Variants in COL19A1 observed in about 807,000 individuals in gnomAD.
The protein encoded by COL19A1 is collagen type XIX alpha 1 chain.
In COL19A1, 159 loss-of-function variants were observed where a neutral mutation model predicts 190.2. The observed-to-expected ratio is 0.84, with a 90% CI of 0.73 to 0.95. The LOEUF (loss-of-function observed/expected upper bound fraction) is 0.95, where lower values mean the gene tolerates loss of function less well. COL19A1 is among the 40% of genes least tolerant of loss of function. COL19A1 has a pLI of 0.00. For synonymous variants in COL19A1, 509 were observed against 458.9 expected, an observed-to-expected ratio of 1.11 and a Z score of -1.39; for missense variants, 1,418 against 1,431.9, an observed-to-expected ratio of 0.99 and a Z score of 0.16.
At chr6:70,008,322 GA>G (rs1777761339) in intron 11 of COL19A1, among the ~76,000 whole-genome samples, 1 of 151,338 alleles carries the variant, frequency 6.6e-6, no homozygotes, top group African/African-American at 2.4e-5. Flanking sequence ...AAAAAGGAAA[GA>G]AAAAATTACC....
rs1037840055 is a variant in COL19A1, at chr6:70,211,266, A to C, written c.*3992A>C. Among the ~76,000 whole-genome samples the C allele has an allele frequency of 1.1e-4, 17 of 152,102 alleles. No homozygotes were observed. Among genetic ancestry groups the C allele is most frequent in the African/African-American group, 4.1e-4 (17 of 41,434 alleles). On this transcript the variant is annotated 3_prime_UTR_variant, in exon 51 of 51. Transcript: ENST00000620364. Reference sequence around the variant, plus strand: ...TTTTTATTTTCATAACACTAATAATACACTGGGATTGAGAATTTCTGTTAA... The same window carrying C: ...TTTTTATTTTCATAACACTAATAATCCACTGGGATTGAGAATTTCTGTTAA...
chr6:69,893,459 T>C (rs1284732725), intron 2 of COL19A1, among the ~76,000 whole-genome samples: 1 of 152,218 alleles, frequency 6.6e-6, no homozygotes, highest in East Asian at 1.9e-4. Flanking sequence ...AACTAAGGAC[T>C]AAGCTCTGAT....
chr6:69,954,236 T>G (rs796118112), intron 9 of COL19A1, among the ~76,000 whole-genome samples: 1 of 152,032 alleles, frequency 6.6e-6, no homozygotes, highest in Non-Finnish European at 1.5e-5. Context: ...CATAGCACTT[T>G]ATTTATATCA....
intron 9 of COL19A1, among the ~76,000 whole-genome samples, chr6:69,952,894 T>G (rs1774201935): frequency 6.6e-6 from 1 of 152,028 alleles, no homozygotes; most frequent in African/African-American, 2.4e-5. Flanking sequence ...TGAATTATAA[T>G]GAACTTTCTA....
intron 31 of COL19A1, 91 bp downstream of exon 31, chr6:70,151,529 C>T: frequency 8.0e-7 from 1 of 1,251,132 alleles, no homozygotes; most frequent in Non-Finnish European, 1.2e-6. Flanking sequence ...AATTGCTTAG[C>T]TGGAACTAAA....
chr6:70,204,942 T>C (rs1413158189), intron 49 of COL19A1, among the ~76,000 whole-genome samples: 1 of 152,160 alleles, frequency 6.6e-6, no homozygotes, highest in Non-Finnish European at 1.5e-5. Flanking sequence ...CCTAAGTATA[T>C]ACATTTTTTT....
At chr6:70,139,094 GA>G (rs994972047) in intron 19 of COL19A1, among the ~76,000 whole-genome samples, 2 of 152,082 alleles carry the variant, frequency 1.3e-5, no homozygotes, top group African/African-American at 4.8e-5. Context: ...CTGGAAAATC[GA>G]GGATTTTTAG....
chr6:70,076,353 G>A (rs893855506), intron 15 of COL19A1, among the ~76,000 whole-genome samples: 4 of 152,188 alleles, frequency 2.6e-5, no homozygotes, highest in East Asian at 1.9e-4. Flanking sequence ...TTTTAAAATA[G>A]GGATATTGAG....
chr6:69,998,463 T>G (rs1322216196), intron 11 of COL19A1, among the ~76,000 whole-genome samples: 1 of 151,532 alleles, frequency 6.6e-6, no homozygotes, highest in Non-Finnish European at 1.5e-5. Flanking sequence ...TGACCAATGG[T>G]GAAACCCCAT....
chr6:70,009,267 C>A (rs1412443824), intron 11 of COL19A1, among the ~76,000 whole-genome samples: 15 of 151,876 alleles, frequency 9.9e-5, no homozygotes, highest in Admixed American at 9.8e-4. Context: ...GAAGAATCTA[C>A]AATAAAAGAT....
At chr6:69,962,797 A>G (rs535036408) in intron 10 of COL19A1, 29 bp from the exon 11 acceptor site, 2 of 1,523,782 alleles carry the variant, frequency 1.3e-6, no homozygotes, top group South Asian at 1.3e-5. Flanking sequence ...CATTTTTATT[A>G]CTATACACAT....
At chr6:70,004,013 A>G (rs188947735) in intron 11 of COL19A1, among the ~76,000 whole-genome samples, 60 of 151,932 alleles carry the variant, frequency 3.9e-4, no homozygotes, top group Middle Eastern at 3.4e-3. Context: ...CTGGTACCAG[A>G]TTTTCTTTTC....
At chr6:70,200,211 C>G (rs1767465354) in intron 49 of COL19A1, among the ~76,000 whole-genome samples, 1 of 152,154 alleles carries the variant, frequency 6.6e-6, no homozygotes, top group African/African-American at 2.4e-5. Flanking sequence ...TAGAATCTTT[C>G]TGCTTTGAAT....
chr6:69,916,264 C>G (rs1305798896), intron 4 of COL19A1, among the ~76,000 whole-genome samples: 1 of 152,174 alleles, frequency 6.6e-6, no homozygotes, highest in African/African-American at 2.4e-5. Flanking sequence ...TAAGGAAATG[C>G]TTGGTGAACC....
intron 41 of COL19A1, among the ~76,000 whole-genome samples, 161 bp from the exon 42 acceptor site, chr6:70,176,359 T>C (rs1364687979): frequency 6.6e-6 from 1 of 151,860 alleles, no homozygotes; most frequent in African/African-American, 2.4e-5. Context: ...CAGTTTGCTA[T>C]TTTTCCATCT....
chr6:69,921,639 T>A (rs1351035063), intron 4 of COL19A1, among the ~76,000 whole-genome samples: 2 of 144,664 alleles, frequency 1.4e-5, no homozygotes, highest in Non-Finnish European at 3.0e-5. Context: ...TTCGTATATA[T>A]TCGTATATAG....
rs143526975 is a variant in COL19A1 at position 69,903,910 on chromosome 6, G to A, written c.266+3572G>A. Among the ~76,000 whole-genome samples the A allele has an allele frequency of 3.3e-3, 505 of 152,268 alleles. 4 individuals carry two copies. The highest frequency in any genetic ancestry group is 3.2e-3 in the Non-Finnish European group (221 of 68,018). On this transcript the variant is annotated intron_variant, in intron 4 of 50. Transcript: ENST00000620364. ...CTTCTAAATCTGCAAGAGAATCAGA[G>A]GTTAACATAACATCATTAATAAGAT...
At chr6:70,030,457 C>T (rs1346005069) in intron 12 of COL19A1, among the ~76,000 whole-genome samples, 1 of 152,150 alleles carries the variant, frequency 6.6e-6, no homozygotes, top group East Asian at 1.9e-4. Flanking sequence ...TCACTATATA[C>T]TGTCCTCCAC....
intron 5 of COL19A1, 131 bp downstream of exon 5, chr6:69,928,163 A>G (rs1772519807): frequency 8.4e-7 from 1 of 1,185,050 alleles, no homozygotes; most frequent in Non-Finnish European, 1.2e-6. Flanking sequence ...GGGATCATCA[A>G]CAAGAAAATG....
Sources: allele counts gnomAD v4.1 joint callset (sites outside exome capture counted in the v4.1 genomes callset), GRCh38; gene constraint gnomAD v4.1.1; transcripts MANE v1.5; gene names NCBI Gene and HGNC (gene_info 2026-07-23, HGNC 2026-07-21).